Variants in ZSWIM4 observed in about 807,000 individuals in gnomAD.
ZSWIM4 encodes zinc finger SWIM domain-containing protein 4.
Under a neutral mutation model 102.5 loss-of-function variants are expected in ZSWIM4, and 62 were observed. The ratio of observed to expected loss-of-function variants is 0.60; its 90% CI spans 0.49 to 0.75. The LOEUF (loss-of-function observed/expected upper bound fraction) is 0.75, where lower values mean the gene tolerates loss of function less well. Ranked by LOEUF, ZSWIM4 falls within the 30% of genes least tolerant of loss-of-function variation. The pLI, the probability that ZSWIM4 is intolerant of heterozygous loss-of-function variation, is 0.00. For missense variants in ZSWIM4, 1,280 were observed against 1,529.6 expected (o/e 0.84, Z 2.72); for synonymous variants, 652 against 674.5 (o/e 0.97, Z 0.52).
intron 1 of ZSWIM4, among the ~76,000 whole-genome samples, chr19:13,797,204 G>A (rs1303912691): frequency 3.9e-5 from 6 of 152,208 alleles, no homozygotes; most frequent in African/African-American, 1.4e-4. Flanking sequence ...CCCACTTTGA[G>A]GAAACTGGGG....
At position 13,823,450 on chromosome 19, in the gene ZSWIM4, T is replaced by G. The variant is rs1004997265; in HGVS notation, c.2165T>G (p.Leu722Arg). The stretch of plus-strand genomic sequence containing the variant: ...CCCCGCTGGTTCATCCTTGGCCACC[T>G]GGAGACCCGCCAGTGTGAACTGGCT... ...RFPRWFILGH[L>R]ETRQCELAST... The change falls in exon 11 of 14, where the codon CTG becomes CGG. Residue 722 changes from leucine (L) to arginine (R), a missense_variant. Coordinates refer to ENST00000590508, the MANE Select transcript of ZSWIM4 (RefSeq NM_001367834.3). The G allele has an allele frequency of 6.3e-7, 1 of 1,579,334 alleles. No individual in the cohort carries two copies. The highest frequency in any genetic ancestry group is 2.3e-5 in the East Asian group (1 of 42,562).
In ZSWIM4 at chr19:13,812,883, G is replaced by A. The variant is rs915778818; in HGVS notation, c.1013-114G>A. The A allele has an allele frequency of 3.6e-5, 43 of 1,203,622 alleles. No individual in the cohort carries two copies. The South Asian group carries it at 4.3e-4, about 12-fold the overall frequency. The allele number at this position is 1,203,622 out of a possible 1,614,324, so 74.6% of individuals were successfully genotyped here. On this transcript the variant is annotated intron_variant, in intron 5 of 13. Transcript: ENST00000590508. ...GCAAAGGCTGCGAGTTGCAACTTCC[G>A]AGGGTCGAGGTGAGGGGTTAGCAGA...
At chr19:13,818,286 C>G (rs897019041) in intron 9 of ZSWIM4, among the ~76,000 whole-genome samples, 2 of 152,196 alleles carry the variant, frequency 1.3e-5, no homozygotes, top group Admixed American at 1.3e-4. Context: ...TCATCCGCAA[C>G]TTAGACACCG....
rs1200924109 is a variant in ZSWIM4, at chr19:13,828,821, C to T, written c.2461+95C>T. 4.3e-5 allele frequency: 55 copies of T among 1,276,900 alleles called. No individual in the cohort carries two copies. The highest frequency in any genetic ancestry group is 4.0e-4 in the Admixed American group (22 of 54,984). 79.1% of individuals were successfully genotyped at this position (1,276,900 alleles called of 1,614,324 possible). ...AGGCAGACAAGAAAGAGAGAAGTGG[C>T]GGGGTGCGGTGGCTCACACCTGTAA... On this transcript the variant is annotated intron_variant, in intron 13 of 13. Coordinates refer to ENST00000590508, the MANE Select transcript of ZSWIM4 (RefSeq NM_001367834.3).
intron 1 of ZSWIM4, chr19:13,796,661 C>G (rs955312285): frequency 6.6e-6 from 1 of 152,368 alleles, no homozygotes; most frequent in Non-Finnish European, 1.5e-5. Flanking sequence ...GTGGTGGTCC[C>G]TGGACAGGTG....
chr19:13,816,021 G>A (rs1316086828), intron 7 of ZSWIM4, among the ~76,000 whole-genome samples: 1 of 147,108 alleles, frequency 6.8e-6, no homozygotes, highest in Non-Finnish European at 1.5e-5. Context: ...GGGGAGGGAG[G>A]GACAGAGAGA....
chr19:13,795,699 G>C lies in ZSWIM4; in HGVS notation c.51G>C (p.Glu17Asp), dbSNP rs1974590803. 1 of 1,148,682 alleles carries C rather than the reference G, an allele frequency of 8.7e-7. No individual in the cohort carries two copies. Among genetic ancestry groups the C allele is most frequent in the Non-Finnish European group, 1.1e-6 (1 of 918,806 alleles). 71.2% of individuals were successfully genotyped at this position (1,148,682 alleles called of 1,614,324 possible). ...KRSRGCPAGP[E>D]ERDAGAGAAR... is the part of the protein sequence containing the mutation. ...GCCGGGGCTGCCCCGCGGGACCCGAGGAGCGCGATGCCGGGGCCGGGGCCG... is the reference window on the plus strand; with the variant it reads ...GCCGGGGCTGCCCCGCGGGACCCGACGAGCGCGATGCCGGGGCCGGGGCCG... Residue 17 changes from glutamate to aspartate, a missense_variant, in exon 1 of 14, where the codon GAG becomes GAC. By Grantham distance (45) the Glu-to-Asp change is conservative (BLOSUM62 2). Transcript: ENST00000590508.
chr19:13,819,359 G>T lies in ZSWIM4; in HGVS notation c.1927G>T (p.Gly643Cys). ...RKQAGLLLEG[G>C]PFSGFGEVLF... ...CTGAGCTCAGGCTGTTCCTGCAGGG[G>T]GTCCCTTCAGTGGCTTTGGGGAGGT... Residue 643 changes from glycine to cysteine, a missense_variant and splice_region_variant, in exon 10 of 14, where the codon GGT becomes TGT. Physicochemically the swap from Gly to Cys is radical, Grantham distance 159. Transcript: ENST00000590508. 6.2e-7 allele frequency: 1 copy of T among 1,613,908 alleles called. No homozygotes were observed. The highest frequency in any genetic ancestry group is 8.5e-7 in the Non-Finnish European group (1 of 1,179,934).
At chr19:13,806,410 A>G (rs113182385) in intron 3 of ZSWIM4, among the ~76,000 whole-genome samples, 2,726 of 151,996 alleles carry the variant, frequency 0.018, 77 homozygotes, top group African/African-American at 0.063. Context: ...GCTCATACCT[A>G]TAATCCCAGC....
chr19:13,815,759 C>T (rs1275052710), intron 7 of ZSWIM4, among the ~76,000 whole-genome samples: 2 of 151,646 alleles, frequency 1.3e-5, no homozygotes, highest in East Asian at 1.9e-4. Flanking sequence ...TGTAAGCCAC[C>T]GTGCCTGGCC....
At chr19:13,814,984 A>C in intron 7 of ZSWIM4, 119 bp downstream of exon 7, 1 of 513,550 alleles carries the variant, frequency 1.9e-6, no homozygotes, top group Non-Finnish European at 2.8e-6. Flanking sequence ...TAGTGAGACA[A>C]TGTCTCTACA....
At position 13,810,632 on chromosome 19, in the gene ZSWIM4, C is replaced by T. The variant is rs145376359; in HGVS notation, c.1012+1412C>T. 7.2e-3 allele frequency among the ~76,000 whole-genome samples: 1,075 copies of T among 148,396 alleles called. 11 individuals carry two copies. Among genetic ancestry groups the T allele is most frequent in the African/African-American group, 0.026 (1,026 of 40,046 alleles). ...TTTCTTTTTTCTTTTTTTTTTGAGACGGAGTCTTGCTCTGTCACCCAAGCT... is the reference window on the plus strand; with the variant it reads ...TTTCTTTTTTCTTTTTTTTTTGAGATGGAGTCTTGCTCTGTCACCCAAGCT... On this transcript the variant is annotated intron_variant, in intron 5 of 13. Coordinates refer to ENST00000590508, the MANE Select transcript of ZSWIM4 (RefSeq NM_001367834.3).
chr19:13,830,866 C>T lies in ZSWIM4; in HGVS notation c.3137C>T (p.Ser1046Leu), dbSNP rs1975748317. The T allele has an allele frequency of 6.2e-7, 1 of 1,613,708 alleles. No individual in the cohort carries two copies. Among genetic ancestry groups the T allele is most frequent in the Non-Finnish European group, 8.5e-7 (1 of 1,179,842 alleles). The stretch of plus-strand genomic sequence containing the variant: ...ACCGCCTACATCACCACCAGCCACT[C>T]GCGCCTCACGCACATCAGCCCGCGG... ...AVTAYITTSHSRLTHISPRHY... is the reference protein window; with the variant it reads ...AVTAYITTSHLRLTHISPRHY... The change falls in exon 14 of 14, where the codon TCG (serine) becomes TTG (leucine). Residue 1046 changes from serine (S) to leucine (L), a missense_variant. Coordinates refer to ENST00000590508, the MANE Select transcript of ZSWIM4 (RefSeq NM_001367834.3).
At chr19:13,819,651 A>ATTT (rs1975408251) in intron 10 of ZSWIM4, among the ~76,000 whole-genome samples, 159 bp downstream of exon 10, 1 of 150,160 alleles carries the variant, frequency 6.7e-6, no homozygotes, top group African/African-American at 2.5e-5. Flanking sequence ...GCTTTTCATT[A>ATTT]TTATTATTTA....
In ZSWIM4 at chr19:13,825,728, G is replaced by A; in HGVS notation, c.2379+15G>A. ...TGGGGCTGCAGGTGAGGGCTGCCAG[G>A]TGGATGCGGGAGGGCGATGGTGGCT... On this transcript the variant is annotated intron_variant, in intron 12 of 13. Transcript: ENST00000590508. This position sits in a 1 kb window ranked among gnomAD's most constrained non-coding sequence, Gnocchi z 4.6. 6.2e-7 allele frequency: 1 copy of A among 1,601,108 alleles called. No homozygotes were observed. Among genetic ancestry groups the A allele is most frequent in the Non-Finnish European group, 8.5e-7 (1 of 1,176,704 alleles).
At chr19:13,804,669 G>T in intron 2 of ZSWIM4, 123 bp from the exon 3 acceptor site, 1 of 752,184 alleles carries the variant, frequency 1.3e-6, no homozygotes, top group Non-Finnish European at 2.2e-6. Flanking sequence ...AATGCAAAGT[G>T]AGTGAGGTGA....
intron 9 of ZSWIM4, 137 bp from the exon 10 acceptor site, chr19:13,819,220 C>A: frequency 8.2e-7 from 1 of 1,219,804 alleles, no homozygotes; most frequent in Non-Finnish European, 1.1e-6. Context: ...GAACCCCTAC[C>A]CCAGAGACCC....
chr19:13,803,144 T>C (rs2594724), intron 2 of ZSWIM4, among the ~76,000 whole-genome samples: 71,446 of 151,904 alleles, frequency 0.47, 19,771 homozygotes, highest in African/African-American at 0.79. Flanking sequence ...CTCTATCTGC[T>C]TTGGAGCCCC....
At chr19:13,819,968 G>T (rs1465796454) in intron 10 of ZSWIM4, among the ~76,000 whole-genome samples, 1 of 151,504 alleles carries the variant, frequency 6.6e-6, no homozygotes, top group Non-Finnish European at 1.5e-5. Flanking sequence ...CCATTCTCCT[G>T]CCTCAGCCTC....
Sources: allele counts gnomAD v4.1 joint callset (sites outside exome capture counted in the v4.1 genomes callset), GRCh38; gene constraint gnomAD v4.1.1; non-coding constraint Gnocchi (gnomAD v3.1); transcripts MANE v1.5; gene names NCBI Gene and HGNC (gene_info 2026-07-23, HGNC 2026-07-21).